Variants in INPP4B observed in about 807,000 individuals in gnomAD.
INPP4B encodes inositol polyphosphate-4-phosphatase type II B.
INPP4B carries 55 observed loss-of-function variants against 122.5 expected under a neutral mutation model. The ratio of observed to expected loss-of-function variants is 0.45; its 90% CI spans 0.36 to 0.56. INPP4B has a LOEUF of 0.56. Among genes scored for constraint, INPP4B ranks in the 20% least tolerant of loss-of-function variants. The probability of loss-of-function intolerance (pLI) is 0.00; values close to 1 mark genes in which losing one functional copy is unlikely to be tolerated. For missense variants in INPP4B, 1,000 were observed against 1,097.7 expected, an observed-to-expected ratio of 0.91 and a Z score of 1.26; for synonymous variants, 403 against 388.7, an observed-to-expected ratio of 1.04 and a Z score of -0.43.
At chr4:142,054,256 T>G (rs1756316789) in intron 25 of INPP4B, among the ~76,000 whole-genome samples, 1 of 143,106 alleles carries the variant, frequency 7.0e-6, no homozygotes. Context: ...CAACACCCTA[T>G]TTTTTTTTTT....
chr4:142,382,426 T>C (rs1794449713), intron 7 of INPP4B, among the ~76,000 whole-genome samples: 1 of 151,544 alleles, frequency 6.6e-6, no homozygotes, highest in African/African-American at 2.4e-5. Context: ...GGAGAATCAC[T>C]TGAACCGAGG....
intron 2 of INPP4B, among the ~76,000 whole-genome samples, chr4:142,614,609 C>G (rs1743298046): frequency 6.6e-6 from 1 of 152,030 alleles, no homozygotes; most frequent in Non-Finnish European, 1.5e-5. Flanking sequence ...AAACAGGCAA[C>G]CTACAGGATT....
chr4:142,195,781 T>G (rs1374362810), intron 14 of INPP4B, among the ~76,000 whole-genome samples: 1 of 152,196 alleles, frequency 6.6e-6, no homozygotes, highest in African/African-American at 2.4e-5. Context: ...AATGAAAGTT[T>G]AAATAACTAA....
intron 16 of INPP4B, among the ~76,000 whole-genome samples, chr4:142,162,803 T>A (rs1374655528): frequency 6.6e-6 from 1 of 151,958 alleles, no homozygotes; most frequent in Non-Finnish European, 1.5e-5. Flanking sequence ...TTTTTTTGGA[T>A]AACTGAATAC....
chr4:142,473,659 C>G (rs1236334507), intron 2 of INPP4B, among the ~76,000 whole-genome samples: 1 of 152,212 alleles, frequency 6.6e-6, no homozygotes, highest in Admixed American at 6.5e-5. Context: ...GCTCACTGGA[C>G]AAGGTCCCAT....
At chr4:142,118,894 A>G (rs1407500202) in intron 21 of INPP4B, among the ~76,000 whole-genome samples, 6 of 152,328 alleles carry the variant, frequency 3.9e-5, no homozygotes, top group Non-Finnish European at 8.8e-5. Flanking sequence ...CAATCTATCT[A>G]TCTGACAAAG....
At chr4:142,180,002 T>C (rs935906886) in intron 15 of INPP4B, among the ~76,000 whole-genome samples, 1 of 152,188 alleles carries the variant, frequency 6.6e-6, no homozygotes, top group Non-Finnish European at 1.5e-5. Context: ...CTAGACCTTA[T>C]GCCCTAATAT....
At chr4:142,845,894 G>C (rs1784130973) in intron 1 of INPP4B, among the ~76,000 whole-genome samples, 1 of 152,146 alleles carries the variant, frequency 6.6e-6, no homozygotes, top group Non-Finnish European at 1.5e-5. Context: ...CCCGGAGAGT[G>C]TGCGTGTGTG....
intron 1 of INPP4B, among the ~76,000 whole-genome samples, chr4:142,789,008 G>A (rs1425151133): frequency 6.6e-6 from 1 of 152,108 alleles, no homozygotes; most frequent in Non-Finnish European, 1.5e-5. Context: ...AATAGATGCA[G>A]AAAAAGCATT....
chr4:142,657,945 GA>G (rs1210439922), intron 2 of INPP4B, among the ~76,000 whole-genome samples: 1 of 152,184 alleles, frequency 6.6e-6, no homozygotes, highest in Non-Finnish European at 1.5e-5. Flanking sequence ...TGTCCAAAAA[GA>G]GAGGTAAATA....
intron 17 of INPP4B, among the ~76,000 whole-genome samples, chr4:142,149,069 C>T (rs1812346130): frequency 6.6e-6 from 1 of 152,200 alleles, no homozygotes; most frequent in Non-Finnish European, 1.5e-5. Flanking sequence ...CTGGTCATGG[C>T]CTCCTTCTCT....
intron 25 of INPP4B, among the ~76,000 whole-genome samples, chr4:142,047,312 G>C (rs1405320532): frequency 6.6e-6 from 1 of 152,004 alleles, no homozygotes; most frequent in Non-Finnish European, 1.5e-5. Context: ...GTGCTTTGTT[G>C]CACATCAGTC....
intron 2 of INPP4B, among the ~76,000 whole-genome samples, chr4:142,649,800 T>C (rs989034777): frequency 2.0e-5 from 3 of 152,192 alleles, no homozygotes; most frequent in Admixed American, 2.0e-4. Context: ...CTTCAGGATA[T>C]TATCCAGGAC....
At chr4:142,319,959 C>T (rs1027148628) in intron 7 of INPP4B, among the ~76,000 whole-genome samples, 5 of 152,182 alleles carry the variant, frequency 3.3e-5, no homozygotes, top group African/African-American at 1.2e-4. Flanking sequence ...AGGCTGAAAT[C>T]AAGGTGTCAG....
At position 142,612,128 on chromosome 4, in the gene INPP4B, G is replaced by GA. The variant is rs1326808971; in HGVS notation, c.-191+113710dup. Among the ~76,000 whole-genome samples, 7 of 152,178 alleles carry GA rather than the reference G, an allele frequency of 4.6e-5. No homozygotes were observed. In the East Asian group the frequency reaches 1.2e-3, roughly 25 times the overall value. On this transcript the variant is annotated intron_variant, in intron 2 of 25. Transcript: ENST00000262992. ...TCCACCCAATTAACAACCTTCAGGA[G>GA]AAAAAAATAGAGGAAGGAGAGGAGT... is the stretch of plus-strand genomic sequence containing the variant.
chr4:142,649,824 T>A (rs2150528459), intron 2 of INPP4B, among the ~76,000 whole-genome samples: 1 of 152,300 alleles, frequency 6.6e-6, no homozygotes, highest in South Asian at 2.1e-4. Flanking sequence ...TTCCCCAACC[T>A]AGCAAAGCAG....
chr4:142,422,479 T>C (rs12499068), intron 5 of INPP4B, among the ~76,000 whole-genome samples: 58,127 of 151,644 alleles, frequency 0.38, 11,508 homozygotes, highest in East Asian at 0.61. Flanking sequence ...TTCAGGGAAA[T>C]TCAATGTTTT....
intron 2 of INPP4B, among the ~76,000 whole-genome samples, chr4:142,709,502 C>T (rs1441727200): frequency 6.6e-6 from 1 of 152,128 alleles, no homozygotes; most frequent in Non-Finnish European, 1.5e-5. Context: ...TGGGGGCAGA[C>T]TTCCCCCTTG....
intron 3 of INPP4B, among the ~76,000 whole-genome samples, chr4:142,435,021 G>A (rs553843131): frequency 6.6e-5 from 10 of 152,316 alleles, no homozygotes; most frequent in East Asian, 5.8e-4. Flanking sequence ...CCAGCCAGAT[G>A]GGGGAGCAGT....
Sources: gnomAD v4.1 joint callset for allele counts (sites outside exome capture counted in the v4.1 genomes callset) on GRCh38, gnomAD v4.1.1 for gene constraint, MANE v1.5 for transcripts, NCBI Gene and HGNC (gene_info 2026-07-23, HGNC 2026-07-21) for gene names.